Variants in CCNY observed in about 807,000 individuals in gnomAD.
CCNY encodes the protein cyclin Y.
In CCNY, 19 loss-of-function variants were observed where a neutral mutation model predicts 42.8. The ratio of observed to expected loss-of-function variants is 0.44; its 90% CI spans 0.31 to 0.65. The LOEUF (loss-of-function observed/expected upper bound fraction) is 0.65. Ranked by LOEUF, CCNY falls within the 30% of genes least tolerant of loss-of-function variation. CCNY has a pLI of 0.07. For missense variants in CCNY, 370 were observed against 437.3 expected (o/e 0.85, Z 1.37); for synonymous variants, 165 against 162.7 (o/e 1.01, Z -0.11).
At chr10:35,550,200 A>G (rs1468753892) in intron 7 of CCNY, among the ~76,000 whole-genome samples, 4 of 144,954 alleles carry the variant, frequency 2.8e-5, no homozygotes, top group Non-Finnish European at 6.0e-5. Flanking sequence ...ACATGACCCT[A>G]CAGTGCTCGT....
At position 35,445,302 on chromosome 10, in the gene CCNY, C is replaced by T. The variant is rs114158383; in HGVS notation, c.155-38102C>T. On this transcript the variant is annotated intron_variant, in intron 1 of 9. Coordinates refer to ENST00000374704, the MANE Select transcript of CCNY (RefSeq NM_145012.6). ...CCCTGCTCTTCTGCCTCCCACTCTC[C>T]ACCCATGCAGACATTACTAAACCAT... 6.8e-3 allele frequency among the ~76,000 whole-genome samples: 1,032 copies of T among 152,314 alleles called. 10 individuals are homozygous for T. Among genetic ancestry groups the T allele is most frequent in the African/African-American group, 0.024 (986 of 41,554 alleles).
chr10:35,325,479 CT>C (rs1207832860), intron 3 of CCNY, among the ~76,000 whole-genome samples: 2,708 of 132,814 alleles, frequency 0.02, 36 homozygotes, highest in African/African-American at 0.041. Context: ...AGCACAGACC[CT>C]TTTTTTTTTT....
At position 35,430,064 on chromosome 10, in the gene CCNY, G is replaced by A. The variant is rs185658343; in HGVS notation, c.155-53340G>A. On this transcript the variant is annotated intron_variant, in intron 1 of 9. Coordinates refer to ENST00000374704, the MANE Select transcript of CCNY (RefSeq NM_145012.6). Reference sequence around the variant, plus strand: ...AAAAAAAAGTGATGAGATGCCGGGCGCGGTGGCTCACGCCTGTAATCCCAG... The same window carrying A: ...AAAAAAAAGTGATGAGATGCCGGGCACGGTGGCTCACGCCTGTAATCCCAG... Among the ~76,000 whole-genome samples the A allele has an allele frequency of 1.9e-3, 295 of 152,046 alleles. 2 individuals are homozygous for A. The highest frequency in any genetic ancestry group is 3.3e-3 in the Non-Finnish European group (226 of 67,974).
At chr10:35,322,604 A>C (rs1251192286) in intron 3 of CCNY, among the ~76,000 whole-genome samples, 1 of 152,218 alleles carries the variant, frequency 6.6e-6, no homozygotes, top group African/African-American at 2.4e-5. Context: ...CACACAACAC[A>C]TATCTACATA....
chr10:35,465,002 A>G (rs1293921829), intron 1 of CCNY, among the ~76,000 whole-genome samples: 2 of 152,160 alleles, frequency 1.3e-5, no homozygotes, highest in Admixed American at 6.5e-5. Flanking sequence ...CGTTCCATTG[A>G]TAGTGCTAAT....
intron 1 of CCNY, among the ~76,000 whole-genome samples, chr10:35,349,696 G>A (rs1836387055): frequency 6.6e-6 from 1 of 152,146 alleles, no homozygotes; most frequent in Non-Finnish European, 1.5e-5. Flanking sequence ...TGACATTAGG[G>A]GGGGCTGCCC....
At chr10:35,474,433 T>C (rs186676620) in intron 1 of CCNY, among the ~76,000 whole-genome samples, 28 of 152,298 alleles carry the variant, frequency 1.8e-4, no homozygotes, top group Non-Finnish European at 3.4e-4. Context: ...GTTCTCCCAG[T>C]ACGCAGCTGG....
chr10:35,525,313 A>C (rs373898824), intron 4 of CCNY, among the ~76,000 whole-genome samples: 1 of 152,210 alleles, frequency 6.6e-6, no homozygotes, highest in Non-Finnish European at 1.5e-5. Context: ...ATGTTCTCCA[A>C]AATTTCTACA....
At chr10:35,535,785 A>G (rs1044660220) in intron 7 of CCNY, among the ~76,000 whole-genome samples, 3 of 152,204 alleles carry the variant, frequency 2.0e-5, no homozygotes, top group Admixed American at 6.5e-5. Context: ...TGATTTAAGT[A>G]TACAAGATGA....
chr10:35,358,339 T>C (rs776568734), intron 1 of CCNY, among the ~76,000 whole-genome samples: 17 of 152,128 alleles, frequency 1.1e-4, no homozygotes, highest in Non-Finnish European at 2.9e-5. Flanking sequence ...CACATATTTA[T>C]TGAATACTGC....
At chr10:35,461,554 T>G (rs557568802) in intron 1 of CCNY, among the ~76,000 whole-genome samples, 1 of 152,174 alleles carries the variant, frequency 6.6e-6, no homozygotes, top group Admixed American at 6.5e-5. Flanking sequence ...AAGTGGAGTT[T>G]ATAAGGAAGT....
Position 35,516,579 on chromosome 10 carries a change from T to C in CCNY, c.321T>C (p.Asp107=). The C allele has an allele frequency of 6.2e-7, 1 of 1,613,356 alleles. No individual in the cohort carries two copies. Among genetic ancestry groups the C allele is most frequent in the Non-Finnish European group, 8.5e-7 (1 of 1,179,758 alleles). ...KYSSCSTIFL[D]DSTVSQPNLK... The stretch of plus-strand genomic sequence containing the variant: ...GTTCCTGCTCCACCATTTTCCTAGA[T>C]GATAGCACAGTCAGTCAACCAAACC... Residue 107 remains aspartate, a synonymous_variant, in exon 4 of 10, where the codon GAT becomes GAC. Coordinates refer to ENST00000374704, the MANE Select transcript of CCNY (RefSeq NM_145012.6).
At chr10:35,514,011 T>C (rs1370354547) in intron 3 of CCNY, among the ~76,000 whole-genome samples, 2 of 146,650 alleles carry the variant, frequency 1.4e-5, no homozygotes, top group African/African-American at 5.0e-5. Flanking sequence ...CAGTCAGTTG[T>C]TGGATGGTAC....
chr10:35,465,196 A>G (rs1187019589), intron 1 of CCNY, among the ~76,000 whole-genome samples: 2 of 152,006 alleles, frequency 1.3e-5, no homozygotes, highest in African/African-American at 4.8e-5. Context: ...ATGACTGTTG[A>G]ACATTTGGAC....
intron 3 of CCNY, among the ~76,000 whole-genome samples, chr10:35,324,790 A>T (rs974228581): frequency 6.6e-6 from 1 of 152,236 alleles, no homozygotes; most frequent in African/African-American, 2.4e-5. Flanking sequence ...TCTGAAGAAT[A>T]AAAGAAACAT....
intron 1 of CCNY, among the ~76,000 whole-genome samples, chr10:35,480,492 A>G (rs769705904): frequency 6.6e-6 from 1 of 152,142 alleles, no homozygotes; most frequent in Non-Finnish European, 1.5e-5. Context: ...CTGAGCTTCT[A>G]TGACAGTGGA....
intron 8 of CCNY, among the ~76,000 whole-genome samples, chr10:35,560,329 C>G (rs919829007): frequency 2.6e-5 from 4 of 152,194 alleles, no homozygotes; most frequent in Non-Finnish European, 5.9e-5. Flanking sequence ...CTCCCAACCC[C>G]TAGTGTTTGA....
chr10:35,342,572 C>G (rs967619186), intron 1 of CCNY, among the ~76,000 whole-genome samples: 1 of 151,320 alleles, frequency 6.6e-6, no homozygotes, highest in Non-Finnish European at 1.5e-5. Flanking sequence ...ACCCATTTTA[C>G]AGGTGGGAAG....
At chr10:35,457,866 C>G (rs1019213903) in intron 1 of CCNY, among the ~76,000 whole-genome samples, 8 of 152,202 alleles carry the variant, frequency 5.3e-5, no homozygotes. Flanking sequence ...AGGCGTGAGC[C>G]ACCATGCCCA....
Sources: gnomAD v4.1 joint callset for allele counts (sites outside exome capture counted in the v4.1 genomes callset) on GRCh38, gnomAD v4.1.1 for gene constraint, MANE v1.5 for transcripts, NCBI Gene and HGNC (gene_info 2026-07-23, HGNC 2026-07-21) for gene names.